The following PTPRN2 variants were observed in gnomAD, a reference collection of about 807,000 sequenced individuals.
The protein encoded by PTPRN2 is protein tyrosine phosphatase receptor type N2.
In PTPRN2, 74 loss-of-function variants were observed where a neutral mutation model predicts 118.8. The observed-to-expected ratio is 0.62, with a 90% CI of 0.52 to 0.76. The LOEUF (loss-of-function observed/expected upper bound fraction) is 0.76. PTPRN2 is among the 30% of genes least tolerant of loss of function. PTPRN2 has a pLI of 0.00. For synonymous variants in PTPRN2, 641 were observed against 608.0 expected, an observed-to-expected ratio of 1.05 and a Z score of -0.80; for missense variants, 1,481 against 1,394.4, an observed-to-expected ratio of 1.06 and a Z score of -0.99.
intron 5 of PTPRN2, among the ~76,000 whole-genome samples, chr7:158,192,049 G>T (rs1324684953): frequency 6.6e-6 from 1 of 152,146 alleles, no homozygotes; most frequent in Middle Eastern, 3.2e-3. Flanking sequence ...TGCATCTGTG[G>T]TTTAAATGGT....
intron 2 of PTPRN2, among the ~76,000 whole-genome samples, chr7:158,369,744 G>A (rs1367402730): frequency 6.6e-6 from 1 of 152,202 alleles, no homozygotes; most frequent in Non-Finnish European, 1.5e-5. Context: ...CACGGAAAAG[G>A]CAAACCTACA....
At position 158,552,931 on chromosome 7, in the gene PTPRN2, C is replaced by T. The variant is rs527579838; in HGVS notation, c.112+34627G>A. On this transcript the variant is annotated intron_variant, in intron 1 of 22. Transcript: ENST00000389418. ...GAGTCTGCACCAGCCTCCCTGTCTA[C>T]ACAAACAGGCTTGGGAATCTACATC... is the stretch of plus-strand genomic sequence containing the variant. Among the ~76,000 whole-genome samples the T allele has an allele frequency of 2.0e-5, 3 of 152,328 alleles. No individual in the cohort carries two copies. The South Asian group carries it at 6.2e-4, about 32-fold the overall frequency.
intron 11 of PTPRN2, among the ~76,000 whole-genome samples, chr7:158,017,956 G>A (rs779875177): frequency 1.1e-4 from 16 of 152,174 alleles, no homozygotes; most frequent in East Asian, 5.8e-4. Flanking sequence ...AAGAGCCTCC[G>A]AGCCCATCAC....
intron 2 of PTPRN2, among the ~76,000 whole-genome samples, chr7:158,401,333 C>A (rs1198903525): frequency 1.3e-5 from 2 of 152,244 alleles, no homozygotes; most frequent in Non-Finnish European, 2.9e-5. Context: ...GAGACCTCCA[C>A]CAGGGAGAAA....
chr7:158,071,104 C>T (rs1380141542), intron 11 of PTPRN2, among the ~76,000 whole-genome samples: 2 of 51,438 alleles, frequency 3.9e-5, no homozygotes, highest in Non-Finnish European at 7.1e-5. Flanking sequence ...TGGAGGTGCT[C>T]GTGGTGGTGG....
intron 1 of PTPRN2, among the ~76,000 whole-genome samples, chr7:158,536,398 A>G (rs754862752): frequency 1.1e-4 from 17 of 152,212 alleles, no homozygotes; most frequent in Non-Finnish European, 2.1e-4. Flanking sequence ...TGAAGACACA[A>G]GGGCCTTCCC....
At chr7:158,123,926 T>C (rs113007102) in intron 9 of PTPRN2, among the ~76,000 whole-genome samples, 3,520 of 145,032 alleles carry the variant, frequency 0.024, 130 homozygotes, top group African/African-American at 0.077. Flanking sequence ...TAACCTGATT[T>C]GACCTCAGAT....
chr7:158,562,855 A>G (rs919030725), intron 1 of PTPRN2, among the ~76,000 whole-genome samples: 4 of 152,214 alleles, frequency 2.6e-5, no homozygotes, highest in Non-Finnish European at 5.9e-5. Context: ...AATCCCATGT[A>G]TGGACAATGT....
intron 2 of PTPRN2, among the ~76,000 whole-genome samples, chr7:158,414,777 C>T (rs539736941): frequency 7.0e-4 from 107 of 152,346 alleles, no homozygotes; most frequent in Middle Eastern, 6.8e-3. Context: ...GGGGGAGGGG[C>T]ATCCACTGAT....
chr7:157,941,167 A>G (rs1800079975), intron 11 of PTPRN2, among the ~76,000 whole-genome samples: 1 of 61,520 alleles, frequency 1.6e-5, no homozygotes, highest in Non-Finnish European at 2.6e-5. Context: ...CTGCAAATCT[A>G]ACACCCTCCC....
rs114334027 is a variant in PTPRN2 at position 157,881,222 on chromosome 7, T to G, written c.1788+17451A>C. Among the ~76,000 whole-genome samples the G allele has an allele frequency of 3.7e-3, 520 of 140,658 alleles. 2 individuals carry two copies. The highest frequency in any genetic ancestry group is 7.0e-3 in the African/African-American group (234 of 33,486). The allele number at this position is 140,658 out of a possible 152,430, so 92.3% of individuals were successfully genotyped here. On this transcript the variant is annotated intron_variant, in intron 12 of 22. Transcript: ENST00000389418. This position sits in a 1 kb window ranked among gnomAD's most constrained non-coding sequence, Gnocchi z 4.7. Reference sequence around the variant, plus strand: ...TATGTGGAGATGGGGGTGTTTACAGTAGTCATTATGGTAAAATGAGGTCAT... The same window carrying G: ...TATGTGGAGATGGGGGTGTTTACAGGAGTCATTATGGTAAAATGAGGTCAT...
chr7:158,336,366 T>C (rs62480959), intron 2 of PTPRN2, among the ~76,000 whole-genome samples: 4 of 52,878 alleles, frequency 7.6e-5, no homozygotes, highest in Non-Finnish European at 1.6e-4. Flanking sequence ...ACTCTCACCA[T>C]AAGAGCTGAC....
At chr7:158,400,719 C>T (rs914403663) in intron 2 of PTPRN2, among the ~76,000 whole-genome samples, 1 of 152,102 alleles carries the variant, frequency 6.6e-6, no homozygotes, top group African/African-American at 2.4e-5. Context: ...TGGTCCCAGC[C>T]ACAAATGCAG....
rs560624039 is a variant in PTPRN2 at position 158,202,410 on chromosome 7, G to C, written c.380+2761C>G. Among the ~76,000 whole-genome samples the C allele has an allele frequency of 1.4e-4, 21 of 152,222 alleles. No homozygotes were observed. In the East Asian group the frequency reaches 3.9e-3, roughly 28 times the overall value. On this transcript the variant is annotated intron_variant, in intron 4 of 22. Coordinates refer to ENST00000389418, the MANE Select transcript of PTPRN2 (RefSeq NM_002847.5). ...CAGGACTGGGGAGGCCTTTGGGTCAGCAGGAGGGACAGCATGAGAGGGAGT... is the reference window on the plus strand; with the variant it reads ...CAGGACTGGGGAGGCCTTTGGGTCACCAGGAGGGACAGCATGAGAGGGAGT...
chr7:157,851,886 A>G (rs1473657913), intron 12 of PTPRN2, among the ~76,000 whole-genome samples: 2 of 152,214 alleles, frequency 1.3e-5, no homozygotes, highest in Non-Finnish European at 2.9e-5. Flanking sequence ...CCACTGAACA[A>G]AACAGCCTCT....
intron 11 of PTPRN2, among the ~76,000 whole-genome samples, chr7:158,035,440 C>G (rs1042888612): frequency 2.6e-5 from 4 of 152,208 alleles, no homozygotes; most frequent in Non-Finnish European, 5.9e-5. Context: ...GGGCAAAGAG[C>G]AGGCAAGGGA....
In PTPRN2 at chr7:158,192,348, C is replaced by T. The variant is rs149260779; in HGVS notation, c.528G>A (p.Ala176=). 3.4e-5 allele frequency: 52 copies of T among 1,509,518 alleles called. 2 individuals are homozygous for T. In the Admixed American group the frequency reaches 3.8e-4, roughly 11 times the overall value. The allele number at this position is 1,509,518 out of a possible 1,614,324, so 93.5% of individuals were successfully genotyped here. A position where few individuals can be genotyped will look rare whatever the true frequency, so the allele number is the denominator to read the frequency against. The change falls in exon 5 of 23, where the codon GCG becomes GCA. Residue 176 remains alanine (A), a synonymous_variant. Transcript: ENST00000389418. ...ASDVLARTHT[A]QDRPPAEGDD... ...TCACCTCAGCGGGGGGTCTGTCCTGCGCCGTATGGGTCCTGGCGAGCACGT... is the reference window on the plus strand; with the variant it reads ...TCACCTCAGCGGGGGGTCTGTCCTGTGCCGTATGGGTCCTGGCGAGCACGT...
chr7:158,109,038 T>G (rs1001385143), intron 10 of PTPRN2, among the ~76,000 whole-genome samples: 3 of 148,852 alleles, frequency 2.0e-5, no homozygotes, highest in Non-Finnish European at 4.4e-5. Context: ...AGACAGTGAA[T>G]GAATGACATC....
chr7:158,523,434 G>GTCGTCTGCCTTGGAGTGGAGTCC (rs1234821124), intron 1 of PTPRN2, among the ~76,000 whole-genome samples: 1 of 123,620 alleles, frequency 8.1e-6, no homozygotes, highest in African/African-American at 2.8e-5. Context: ...CTGAAGCGGA[G>GTCGTCTGCCTTGGAGTGGAGTCC]TCTGCCCTGG....
Sources: allele counts gnomAD v4.1 joint callset (sites outside exome capture counted in the v4.1 genomes callset), GRCh38; gene constraint gnomAD v4.1.1; non-coding constraint Gnocchi (gnomAD v3.1); transcripts MANE v1.5; gene names NCBI Gene and HGNC (gene_info 2026-07-23, HGNC 2026-07-21).